Variants in EXOC3 observed in about 807,000 individuals in gnomAD.
EXOC3 encodes exocyst complex component 3, also known as SEC6-like 1.
EXOC3 carries 21 observed loss-of-function variants against 73.7 expected under a neutral mutation model. The ratio of observed to expected loss-of-function variants is 0.29; its 90% CI spans 0.20 to 0.41. The LOEUF (loss-of-function observed/expected upper bound fraction) is 0.41. Ranked by LOEUF, EXOC3 falls within the 10% of genes least tolerant of loss-of-function variation. The pLI is 1.00. For missense variants in EXOC3, 842 were observed against 985.1 expected (o/e 0.85, Z 1.95); for synonymous variants, 410 against 389.1 (o/e 1.05, Z -0.63).
intron 5 of EXOC3, 134 bp from the exon 6 acceptor site, chr5:457,766 A>C (rs1737863950): frequency 4.0e-6 from 4 of 991,166 alleles, no homozygotes; most frequent in Middle Eastern, 2.6e-4. Context: ...TGGAGTCCTC[A>C]TTTGAGAAAG....
intron 4 of EXOC3, among the ~76,000 whole-genome samples, chr5:454,808 C>T (rs1737756405): frequency 6.9e-6 from 1 of 145,264 alleles, no homozygotes; most frequent in African/African-American, 2.6e-5. Flanking sequence ...GGAATTTCTT[C>T]TTCTTCTTTT....
In EXOC3 at chr5:446,234, C is replaced by G; in HGVS notation, c.29C>G (p.Ala10Gly). 5 of 1,613,962 alleles carry G rather than the reference C, an allele frequency of 3.1e-6. No homozygotes were observed. Among genetic ancestry groups the G allele is most frequent in the Non-Finnish European group, 4.2e-6 (5 of 1,179,874 alleles). ...AAGGAGACAGACCGGGAGGCCGTTGCGACAGCAGTGCAAAGGGTTGCTGGG... is the reference window on the plus strand; with the variant it reads ...AAGGAGACAGACCGGGAGGCCGTTGGGACAGCAGTGCAAAGGGTTGCTGGG... MKETDREAV[A>G]TAVQRVAGML... Residue 10 changes from alanine to glycine, a missense_variant, in exon 2 of 13, where the codon GCG (alanine) becomes GGG (glycine). Physicochemically the swap from Ala to Gly is moderately conservative, Grantham distance 60. Transcript: ENST00000512944.
Position 453,408 on chromosome 5 carries a change from C to A in EXOC3, c.403C>A (p.Gln135Lys), listed in dbSNP as rs769430127. The A allele has an allele frequency of 1.9e-6, 3 of 1,597,896 alleles. No individual in the cohort carries two copies. The highest frequency in any genetic ancestry group is 2.7e-5 in the African/African-American group (2 of 74,534). ...IVRETQDLIEQGALLQAHRKL... is the reference protein window; with the variant it reads ...IVRETQDLIEKGALLQAHRKL... ...GAGGGAGACCCAGGACCTAATTGAACAAGGGGCACTCCTGCAAGCCCACCG... is the reference window on the plus strand; with the variant it reads ...GAGGGAGACCCAGGACCTAATTGAAAAAGGGGCACTCCTGCAAGCCCACCG... Residue 135 changes from glutamine to lysine, a missense_variant, in exon 4 of 13, where the codon CAA becomes AAA. Physicochemically the swap from Gln to Lys is moderately conservative, Grantham distance 53. Transcript: ENST00000512944.
intron 1 of EXOC3, among the ~76,000 whole-genome samples, chr5:444,455 G>A (rs1407649181): frequency 6.6e-6 from 1 of 152,162 alleles, no homozygotes; most frequent in East Asian, 1.9e-4. Context: ...CCACCTCACC[G>A]CGTGCCCCAG....
At chr5:460,065 C>G (rs1328186798) in intron 7 of EXOC3, among the ~76,000 whole-genome samples, 2 of 152,242 alleles carry the variant, frequency 1.3e-5, no homozygotes, top group Non-Finnish European at 2.9e-5. Context: ...GGCGCTGTGG[C>G]ATGGTATTTG....
At chr5:451,791 T>C (rs568810991) in intron 3 of EXOC3, among the ~76,000 whole-genome samples, 24 of 152,386 alleles carry the variant, frequency 1.6e-4, no homozygotes, top group African/African-American at 5.8e-4. Flanking sequence ...TGTCTTAATA[T>C]CGCTCTCACT....
chr5:460,727 C>A (rs149861262), intron 7 of EXOC3, among the ~76,000 whole-genome samples: 2 of 152,332 alleles, frequency 1.3e-5, no homozygotes, highest in African/African-American at 4.8e-5. Flanking sequence ...TGGCCAAATC[C>A]CTATTGGCCA....
At chr5:449,795 A>G (rs2126574576) in intron 3 of EXOC3, among the ~76,000 whole-genome samples, 2 of 152,342 alleles carry the variant, frequency 1.3e-5, no homozygotes, top group East Asian at 3.9e-4. Flanking sequence ...TTTCTGGTAT[A>G]TACACACAAG....
At chr5:459,522 A>C in intron 7 of EXOC3, 63 bp downstream of exon 7, 4 of 887,126 alleles carry the variant, frequency 4.5e-6, no homozygotes, top group Non-Finnish European at 5.2e-6. Flanking sequence ...AGAAGCAAAA[A>C]TTTTTTGATC....
intron 3 of EXOC3, among the ~76,000 whole-genome samples, chr5:450,431 C>T (rs534585038): frequency 4.6e-5 from 7 of 152,272 alleles, no homozygotes; most frequent in African/African-American, 1.7e-4. Flanking sequence ...CTTTTAAAAA[C>T]CTGAGTCTTA....
chr5:462,476 G>A (rs187792114), intron 9 of EXOC3, 169 bp downstream of exon 9: 165 of 658,156 alleles, frequency 2.5e-4, no homozygotes, highest in African/African-American at 1.4e-3. Flanking sequence ...TTTCGGTGAC[G>A]CTGCTTCGTA....
In EXOC3 at chr5:446,143, C is replaced by CT. The variant is rs1737498326; in HGVS notation, c.-56-7_-56-6insT. 6.3e-7 allele frequency: 1 copy of CT among 1,599,178 alleles called. No individual in the cohort carries two copies. Among genetic ancestry groups the CT allele is most frequent in the Non-Finnish European group, 8.6e-7 (1 of 1,167,202 alleles). On this transcript the variant is annotated splice_region_variant and splice_polypyrimidine_tract_variant and intron_variant, in intron 1 of 12. Transcript: ENST00000512944. ...TAACATTTCTACCGTCCTAACAACTCCTGCAGTGCACAGAGAACACCCCTA... is the reference window on the plus strand; with the variant it reads ...TAACATTTCTACCGTCCTAACAACTCTCTGCAGTGCACAGAGAACACCCCTA...
At chr5:463,044 G>C (rs1422494776) in intron 9 of EXOC3, among the ~76,000 whole-genome samples, 1 of 152,226 alleles carries the variant, frequency 6.6e-6, no homozygotes, top group African/African-American at 2.4e-5. Flanking sequence ...GGTGGAGGTT[G>C]CAGTGAGCAG....
At position 458,300 on chromosome 5, in the gene EXOC3, A is replaced by T. The variant is rs188013650; in HGVS notation, c.1290+275A>T. Among the ~76,000 whole-genome samples, 100 of 152,278 alleles carry T rather than the reference A, an allele frequency of 6.6e-4. 1 individual carries two copies. Among genetic ancestry groups the T allele is most frequent in the African/African-American group, 2.4e-3 (98 of 41,556 alleles). ...TGGGTTTGGACTACAGCCTAATTGT[A>T]TGTTATTTATGTGCGACTTTCAAAT... On this transcript the variant is annotated intron_variant, in intron 6 of 12. Coordinates refer to ENST00000512944, the MANE Select transcript of EXOC3 (RefSeq NM_007277.5).
Position 462,164 on chromosome 5 carries a change from A to G in EXOC3, c.1510A>G (p.Ile504Val). 1.2e-6 allele frequency: 2 copies of G among 1,613,948 alleles called. No individual in the cohort carries two copies. The highest frequency in any genetic ancestry group is 3.3e-5 in the Admixed American group (2 of 60,020). Residue 504 changes from isoleucine to valine, a missense_variant, in exon 9 of 13, where the codon ATA becomes GTA. Coordinates refer to ENST00000512944, the MANE Select transcript of EXOC3 (RefSeq NM_007277.5). Reference sequence around the variant, plus strand: ...TGAACCCTTTCCTTGCAGGGAATCCATAGTCAGTTTAAAAAGAAAGTATTT... The same window carrying G: ...TGAACCCTTTCCTTGCAGGGAATCCGTAGTCAGTTTAAAAAGAAAGTATTT... Reference protein sequence around the residue: ...INNCQTFKESIVSLKRKYLKN... With the variant: ...INNCQTFKESVVSLKRKYLKN...
chr5:464,217 C>G (rs1738068522), intron 9 of EXOC3, 73 bp from the exon 10 acceptor site: 1 of 1,499,952 alleles, frequency 6.7e-7, no homozygotes, highest in African/African-American at 1.4e-5. Flanking sequence ...GAGGAAGTGC[C>G]TCCCTCCCAC....
chr5:465,661 G>A (rs1738125185), intron 11 of EXOC3, 57 bp from the exon 12 acceptor site: 2 of 1,606,448 alleles, frequency 1.2e-6, no homozygotes, highest in Non-Finnish European at 1.7e-6. Context: ...GAATCCAGCT[G>A]CTCCCAGCGC....
intron 3 of EXOC3, among the ~76,000 whole-genome samples, chr5:451,792 C>T (rs1021666746): frequency 3.9e-5 from 6 of 152,208 alleles, no homozygotes; most frequent in Non-Finnish European, 7.3e-5. Context: ...GTCTTAATAT[C>T]GCTCTCACTT....
Position 457,963 on chromosome 5 carries a change from A to T in EXOC3, c.1228A>T (p.Thr410Ser). ...AGACAAGAAAGACTGGGTCAAAGAG[A>T]CAGAGCCAGAAGCCGACCAGGACGG... is the stretch of plus-strand genomic sequence containing the variant. ...ETDKKDWVKE[T>S]EPEADQDGYY... is the part of the protein sequence containing the mutation. Residue 410 changes from threonine to serine, a missense_variant, in exon 6 of 13, where the codon ACA becomes TCA. Coordinates refer to ENST00000512944, the MANE Select transcript of EXOC3 (RefSeq NM_007277.5). 1 of 1,612,562 alleles carries T rather than the reference A, an allele frequency of 6.2e-7. No individual in the cohort carries two copies. Among genetic ancestry groups the T allele is most frequent in the Non-Finnish European group, 8.5e-7 (1 of 1,179,222 alleles).
Sources: allele counts gnomAD v4.1 joint callset (sites outside exome capture counted in the v4.1 genomes callset), GRCh38; gene constraint gnomAD v4.1.1; transcripts MANE v1.5; gene names NCBI Gene and HGNC (gene_info 2026-07-23, HGNC 2026-07-21).